Variants in TCN1 observed in about 807,000 individuals in gnomAD.
TCN1 encodes the protein transcobalamin-1.
A neutral mutation model predicts 46.3 loss-of-function variants in TCN1; 47 were observed. The ratio of observed to expected loss-of-function variants is 1.01; its 90% CI spans 0.80 to 1.29. TCN1 has a LOEUF of 1.29. TCN1 is among the 50% of genes most tolerant of loss of function. The pLI, the probability that TCN1 is intolerant of heterozygous loss-of-function variation, is 0.00. For synonymous variants in TCN1, 183 were observed against 192.5 expected, an observed-to-expected ratio of 0.95 and a Z score of 0.41; for missense variants, 532 against 511.0, an observed-to-expected ratio of 1.04 and a Z score of -0.40.
intron 4 of TCN1, among the ~76,000 whole-genome samples, chr11:59,860,894 A>G (rs139668406): frequency 7.1e-4 from 108 of 152,320 alleles, no homozygotes; most frequent in African/African-American, 2.6e-3. Flanking sequence ...TTTGCTTTGA[A>G]CTTCAATTTG....
rs752019527 is a variant in TCN1, at chr11:59,853,340, A to G, written c.1122-19T>C. On this transcript the variant is annotated intron_variant, in intron 7 of 8. Coordinates refer to ENST00000257264, the MANE Select transcript of TCN1 (RefSeq NM_001062.4). ...TGTGAAACTGTGGGTGACAGCAAGT[A>G]GGTTACTGGAACTTAGAATTGTCAA... 1.4e-5 allele frequency: 23 copies of G among 1,605,702 alleles called. No homozygotes were observed. Among genetic ancestry groups the G allele is most frequent in the Non-Finnish European group, 1.9e-5 (22 of 1,172,398 alleles).
intron 7 of TCN1, among the ~76,000 whole-genome samples, chr11:59,853,871 T>C (rs888945789): frequency 2.6e-5 from 4 of 152,206 alleles, no homozygotes; most frequent in African/African-American, 9.6e-5. Context: ...ATAATGTATA[T>C]TATATTATTA....
chr11:59,866,267 A>G (rs1853073078), intron 1 of TCN1, 125 bp downstream of exon 1: 1 of 924,548 alleles, frequency 1.1e-6, no homozygotes, highest in South Asian at 1.3e-5. Context: ...TTCATCATTC[A>G]TGGAGTCCAA....
intron 5 of TCN1, 27 bp from the exon 6 acceptor site, chr11:59,856,085 G>GGGGGGGC: frequency 3.4e-6 from 2 of 585,328 alleles, no homozygotes; most frequent in Non-Finnish European, 6.4e-6. Context: ...GGGTGGGGGG[G>GGGGGGGC]TGATGAGAGA....
chr11:59,860,441 TA>T (rs1853005349), intron 4 of TCN1, among the ~76,000 whole-genome samples: 2 of 152,018 alleles, frequency 1.3e-5, no homozygotes, highest in African/African-American at 4.8e-5. Flanking sequence ...TTTTTTTTTT[TA>T]AATACAATTC....
intron 4 of TCN1, 97 bp from the exon 5 acceptor site, chr11:59,859,364 G>C: frequency 1.5e-6 from 2 of 1,324,394 alleles, no homozygotes; most frequent in Admixed American, 1.7e-5. Context: ...AGTGCTAAAA[G>C]AAAAACAGAT....
Position 59,854,831 on chromosome 11 carries a change from G to A in TCN1, c.942C>T (p.Asn314=). ...TAGGCTCATCAGCGGAGATGTTGAAGTTACCTGGCAGAGACAGAAAAGCCC... is the reference window on the plus strand; with the variant it reads ...TAGGCTCATCAGCGGAGATGTTGAAATTACCTGGCAGAGACAGAAAAGCCC... ...KDSSCVSASG[N]FNISADEPIT... Residue 314 remains asparagine (N), a synonymous_variant, in exon 7 of 9, where the codon AAC becomes AAT. Coordinates refer to ENST00000257264, the MANE Select transcript of TCN1 (RefSeq NM_001062.4). 2 of 1,613,912 alleles carry A rather than the reference G, an allele frequency of 1.2e-6. No individual in the cohort carries two copies. The highest frequency in any genetic ancestry group is 1.7e-6 in the Non-Finnish European group (2 of 1,179,838).
intron 4 of TCN1, among the ~76,000 whole-genome samples, chr11:59,860,243 C>T (rs1461029899): frequency 2.6e-5 from 4 of 152,106 alleles, no homozygotes; most frequent in Non-Finnish European, 5.9e-5. Flanking sequence ...GATTCTCCTG[C>T]CTCAGCCTCC....
Position 59,863,996 on chromosome 11 carries a change from A to C in TCN1, c.170T>G (p.Val57Gly). 1 of 1,613,974 alleles carries C rather than the reference A, an allele frequency of 6.2e-7. No homozygotes were observed. The highest frequency in any genetic ancestry group is 8.5e-7 in the Non-Finnish European group (1 of 1,179,856). ...NYNRGTSAVNVVLSLKLVGIQ... is the reference protein window; with the variant it reads ...NYNRGTSAVNGVLSLKLVGIQ... Reference sequence around the variant, plus strand: ...TCCAACAAGTTTGAGGGACAACACAACATTGACAGCGCTGGTTCCCCTGTT... The same window carrying C: ...TCCAACAAGTTTGAGGGACAACACACCATTGACAGCGCTGGTTCCCCTGTT... Residue 57 changes from valine to glycine, a missense_variant, in exon 2 of 9, where the codon GTT (valine) becomes GGT (glycine). Transcript: ENST00000257264.
At chr11:59,859,306 A>C in intron 4 of TCN1, 39 bp from the exon 5 acceptor site, 2 of 1,607,026 alleles carry the variant, frequency 1.2e-6, no homozygotes, top group Non-Finnish European at 1.7e-6. Context: ...GCGACCAACC[A>C]CCTCAGTTTG....
intron 1 of TCN1, 114 bp downstream of exon 1, chr11:59,866,277 AC>A (rs1329077980): frequency 1.4e-5 from 15 of 1,058,664 alleles, no homozygotes; most frequent in Non-Finnish European, 2.2e-5. Flanking sequence ...ATGGAGTCCA[AC>A]CACATACGAA....
Position 59,864,090 on chromosome 11 carries a change from T to C in TCN1, c.80-4A>G, listed in dbSNP as rs1373259727. 6.2e-7 allele frequency: 1 copy of C among 1,613,604 alleles called. No homozygotes were observed. Among genetic ancestry groups the C allele is most frequent in the African/African-American group, 1.3e-5 (1 of 74,990 alleles). ...ATGTAGTTTTCTTCACTTACCTCTGTGGCAGAGAAGGAAGGAAATAAGAAA... is the reference window on the plus strand; with the variant it reads ...ATGTAGTTTTCTTCACTTACCTCTGCGGCAGAGAAGGAAGGAAATAAGAAA... On this transcript the variant is annotated splice_region_variant and splice_polypyrimidine_tract_variant and intron_variant, in intron 1 of 8. Coordinates refer to ENST00000257264, the MANE Select transcript of TCN1 (RefSeq NM_001062.4).
At chr11:59,866,025 A>C (rs1853069745) in intron 1 of TCN1, among the ~76,000 whole-genome samples, 1 of 152,182 alleles carries the variant, frequency 6.6e-6, no homozygotes. Flanking sequence ...TCAGGGAAAA[A>C]AGATTGCATA....
intron 5 of TCN1, among the ~76,000 whole-genome samples, chr11:59,857,722 A>G (rs1454429639): frequency 1.3e-5 from 2 of 152,110 alleles, no homozygotes; most frequent in Non-Finnish European, 2.9e-5. Flanking sequence ...TTGTAAATCA[A>G]TGGCTGAATG....
At chr11:59,863,664 C>G (rs998353826) in intron 2 of TCN1, among the ~76,000 whole-genome samples, 4 of 151,992 alleles carry the variant, frequency 2.6e-5, no homozygotes, top group African/African-American at 9.7e-5. Context: ...GATAAAAATC[C>G]ATAGCTTTTG....
Position 59,854,635 on chromosome 11 carries a change from G to A in TCN1, c.1121+17C>T. ...ATGACAGCAAACATCTTAACCTTAG[G>A]TTAGGTACAGACCTACCCAAATATA... is the stretch of plus-strand genomic sequence containing the variant. On this transcript the variant is annotated intron_variant, in intron 7 of 8. Coordinates refer to ENST00000257264, the MANE Select transcript of TCN1 (RefSeq NM_001062.4). 6.2e-7 allele frequency: 1 copy of A among 1,612,216 alleles called. No individual in the cohort carries two copies. Among genetic ancestry groups the A allele is most frequent in the Non-Finnish European group, 8.5e-7 (1 of 1,178,598 alleles).
At chr11:59,862,968 G>A (rs1037658806) in intron 2 of TCN1, among the ~76,000 whole-genome samples, 4 of 152,156 alleles carry the variant, frequency 2.6e-5, no homozygotes, top group African/African-American at 9.7e-5. Flanking sequence ...CTAGGCTATA[G>A]GGTACAGCTT....
chr11:59,858,962 C>T (rs989511084), intron 5 of TCN1, 115 bp downstream of exon 5: 4 of 1,214,956 alleles, frequency 3.3e-6, no homozygotes, highest in African/African-American at 1.5e-5. Context: ...GAGCTCGCAC[C>T]ATTGCAACTC....
rs373729158 is a variant in TCN1, at chr11:59,862,682, C to T, written c.300G>A (p.Leu100=). Reference sequence around the variant, plus strand: ...CAGCGTTACGACATACTCCCAAAGCCAGTATAATCAAGGCAAGCTCTCCCG... The same window carrying T: ...CAGCGTTACGACATACTCCCAAAGCTAGTATAATCAAGGCAAGCTCTCCCG... ...VSSGELALII[L]ALGVCRNAEE... Residue 100 remains leucine, a synonymous_variant, in exon 3 of 9, where the codon CTG becomes CTA. Transcript: ENST00000257264. 5.8e-5 allele frequency: 93 copies of T among 1,613,594 alleles called. No homozygotes were observed. The highest frequency in any genetic ancestry group is 1.6e-4 in the Middle Eastern group (1 of 6,082).
Sources: allele counts gnomAD v4.1 joint callset (sites outside exome capture counted in the v4.1 genomes callset), GRCh38; gene constraint gnomAD v4.1.1; transcripts MANE v1.5; gene names NCBI Gene and HGNC (gene_info 2026-07-23, HGNC 2026-07-21).